The following UBE2W variants were observed in gnomAD, a reference collection of about 807,000 sequenced individuals.
The protein encoded by UBE2W is ubiquitin-conjugating enzyme E2 W.
In UBE2W, 18 loss-of-function variants were observed where a neutral mutation model predicts 27.2. That is an observed-to-expected ratio of 0.66 (90% CI 0.46 to 0.98). The LOEUF (loss-of-function observed/expected upper bound fraction) is 0.98, where lower values mean the gene tolerates loss of function less well. Ranked by LOEUF, UBE2W falls within the 50% of genes least tolerant of loss-of-function variation. The probability of loss-of-function intolerance (pLI) is 0.00; values close to 1 mark genes in which losing one functional copy is unlikely to be tolerated. For synonymous variants in UBE2W, 53 were observed against 57.2 expected, an observed-to-expected ratio of 0.93 and a Z score of 0.33; for missense variants, 90 against 180.2, an observed-to-expected ratio of 0.50 and a Z score of 2.87.
chr8:73,863,591 GAA>G (rs61406096), intron 1 of UBE2W, among the ~76,000 whole-genome samples: 3 of 146,472 alleles, frequency 2.0e-5, no homozygotes, highest in African/African-American at 7.8e-5. Context: ...AAAAAAAAAA[GAA>G]AAAAAAATAC....
At chr8:73,802,101 T>C (rs1366676050) in intron 5 of UBE2W, among the ~76,000 whole-genome samples, 1 of 152,246 alleles carries the variant, frequency 6.6e-6, no homozygotes, top group African/African-American at 2.4e-5. Flanking sequence ...GTGTTAAGGA[T>C]GTTTTTTAGG....
intron 1 of UBE2W, among the ~76,000 whole-genome samples, chr8:73,855,955 T>C (rs1177014598): frequency 3.3e-5 from 5 of 152,194 alleles, no homozygotes; most frequent in African/African-American, 1.2e-4. Flanking sequence ...TCAGCCTAAT[T>C]CAATCATGTA....
At chr8:73,858,420 G>A (rs1381225019) in intron 1 of UBE2W, among the ~76,000 whole-genome samples, 2 of 150,122 alleles carry the variant, frequency 1.3e-5, no homozygotes, top group African/African-American at 4.9e-5. Context: ...TTCTAAGAAG[G>A]AATTAAGAAA....
chr8:73,864,722 G>A (rs1299614827), intron 1 of UBE2W, among the ~76,000 whole-genome samples: 1 of 122,526 alleles, frequency 8.2e-6, no homozygotes, highest in African/African-American at 3.1e-5. Flanking sequence ...GATTACAGGT[G>A]CATGCCACCA....
intron 3 of UBE2W, among the ~76,000 whole-genome samples, chr8:73,818,672 G>T (rs1284567846): frequency 6.6e-6 from 1 of 152,202 alleles, no homozygotes; most frequent in East Asian, 1.9e-4. Flanking sequence ...CCTGGTGGGA[G>T]GTGTGTGGGT....
intron 5 of UBE2W, among the ~76,000 whole-genome samples, chr8:73,801,372 A>G (rs1174712213): frequency 6.6e-6 from 1 of 152,200 alleles, no homozygotes; most frequent in Non-Finnish European, 1.5e-5. Context: ...ATGGCATGAG[A>G]AAGTAGGAGA....
intron 1 of UBE2W, among the ~76,000 whole-genome samples, chr8:73,878,480 G>A (rs931457221): frequency 6.6e-6 from 1 of 152,218 alleles, no homozygotes; most frequent in Non-Finnish European, 1.5e-5. Context: ...CTGGCGGGCA[G>A]CAGACTGGCA....
intron 3 of UBE2W, among the ~76,000 whole-genome samples, chr8:73,813,755 T>G (rs1206760637): frequency 6.6e-6 from 1 of 152,116 alleles, no homozygotes; most frequent in African/African-American, 2.4e-5. Context: ...AGATGGTTTT[T>G]TTTTTTTCTT....
In UBE2W at chr8:73,790,254, T is replaced by C. The variant is rs1255525389; in HGVS notation, c.*3848A>G. On this transcript the variant is annotated 3_prime_UTR_variant, in exon 6 of 6. Coordinates refer to ENST00000602593, the MANE Select transcript of UBE2W (RefSeq NM_018299.6). Reference sequence around the variant, plus strand: ...GGAAGACTGACACATTGGACATCAGTGGGAAGAGGCAGAAAAATAGGAAGA... The same window carrying C: ...GGAAGACTGACACATTGGACATCAGCGGGAAGAGGCAGAAAAATAGGAAGA... The C allele has an allele frequency of 3.0e-6, 3 of 984,202 alleles. No individual in the cohort carries two copies. Among genetic ancestry groups the C allele is most frequent in the African/African-American group, 3.5e-5 (2 of 57,038 alleles). 61.0% of individuals were successfully genotyped at this position (984,202 alleles called of 1,614,324 possible). A position where few individuals can be genotyped will look rare whatever the true frequency, so the allele number is the denominator to read the frequency against.
At chr8:73,816,842 T>C (rs1220792639) in intron 3 of UBE2W, among the ~76,000 whole-genome samples, 1 of 152,206 alleles carries the variant, frequency 6.6e-6, no homozygotes, top group African/African-American at 2.4e-5. Flanking sequence ...CAGACCAGCC[T>C]GGCCAACATG....
chr8:73,822,712 T>C (rs1006378668), intron 3 of UBE2W, among the ~76,000 whole-genome samples: 2 of 144,102 alleles, frequency 1.4e-5, no homozygotes, highest in Non-Finnish European at 3.0e-5. Context: ...TGAGCCCAGG[T>C]GGCAGCAGTT....
chr8:73,838,523 T>C (rs1476010448), intron 1 of UBE2W, among the ~76,000 whole-genome samples: 2 of 152,246 alleles, frequency 1.3e-5, no homozygotes, highest in East Asian at 3.9e-4. Context: ...GAGAATTACT[T>C]AAGCCCAGGA....
At position 73,806,210 on chromosome 8, in the gene UBE2W, G is replaced by A. The variant is rs536269534; in HGVS notation, c.367-484C>T. Reference sequence around the variant, plus strand: ...ATAAAGGGAATGAAAAAGGACTGATGAGAAAAGTCAAATTCACATAATAAT... The same window carrying A: ...ATAAAGGGAATGAAAAAGGACTGATAAGAAAAGTCAAATTCACATAATAAT... On this transcript the variant is annotated intron_variant, in intron 4 of 5. Transcript: ENST00000602593. 3.3e-4 allele frequency among the ~76,000 whole-genome samples: 50 copies of A among 152,144 alleles called. No individual in the cohort carries two copies. The South Asian group carries it at 3.3e-3, about 10-fold the overall frequency.
At chr8:73,848,282 T>C (rs762114677) in intron 1 of UBE2W, among the ~76,000 whole-genome samples, 6 of 152,202 alleles carry the variant, frequency 3.9e-5, no homozygotes, top group Non-Finnish European at 8.8e-5. Context: ...ACACAGATCA[T>C]AGATCTCACA....
chr8:73,789,161 A>T lies in UBE2W; in HGVS notation c.*4941T>A. On this transcript the variant is annotated 3_prime_UTR_variant, in exon 6 of 6. Transcript: ENST00000602593. ...TATGTGCCTCTAATGATAATGATGT[A>T]CATAAACCTGTCTTAAATCGGCAAA... 1.0e-6 allele frequency: 1 copy of T among 985,198 alleles called. No homozygotes were observed. Among genetic ancestry groups the T allele is most frequent in the Non-Finnish European group, 1.2e-6 (1 of 829,884 alleles). The allele number at this position is 985,198 out of a possible 1,614,324, so 61.0% of individuals were successfully genotyped here.
At position 73,788,403 on chromosome 8, in the gene UBE2W, T is replaced by C; in HGVS notation, c.*5699A>G. 1.0e-6 allele frequency: 1 copy of C among 985,414 alleles called. No individual in the cohort carries two copies. Among genetic ancestry groups the C allele is most frequent in the Non-Finnish European group, 1.2e-6 (1 of 829,916 alleles). The allele number at this position is 985,414 out of a possible 1,614,324, so 61.0% of individuals were successfully genotyped here. A position where few individuals can be genotyped will look rare whatever the true frequency, so the allele number is the denominator to read the frequency against. ...GTAGTTCTGAATAATAAAAGGAAAA[T>C]GGCACCAACTAAAACAAACAAATTC... On this transcript the variant is annotated 3_prime_UTR_variant, in exon 6 of 6. Coordinates refer to ENST00000602593, the MANE Select transcript of UBE2W (RefSeq NM_018299.6).
chr8:73,855,389 ACTTTC>A (rs1318028070), intron 1 of UBE2W, among the ~76,000 whole-genome samples: 1 of 136,520 alleles, frequency 7.3e-6, no homozygotes, highest in Non-Finnish European at 1.5e-5. Flanking sequence ...TTTATATTCT[ACTTTC>A]TTTTTTTTTT....
chr8:73,834,683 T>G (rs1055201221), intron 1 of UBE2W, among the ~76,000 whole-genome samples: 1 of 152,014 alleles, frequency 6.6e-6, no homozygotes, highest in Non-Finnish European at 1.5e-5. Context: ...TCAAGGAGCA[T>G]GTAATGCCTG....
At chr8:73,818,386 C>T (rs1371341508) in intron 3 of UBE2W, among the ~76,000 whole-genome samples, 3 of 152,200 alleles carry the variant, frequency 2.0e-5, no homozygotes, top group Non-Finnish European at 2.9e-5. Flanking sequence ...GATCTCCCTG[C>T]ACCTTTATGC....
Sources: gnomAD v4.1 joint callset for allele counts (sites outside exome capture counted in the v4.1 genomes callset) on GRCh38, gnomAD v4.1.1 for gene constraint, MANE v1.5 for transcripts, NCBI Gene and HGNC (gene_info 2026-07-23, HGNC 2026-07-21) for gene names.